Variants in PINX1 observed in about 807,000 individuals in gnomAD.
PINX1 encodes the protein PIN2 (TERF1) interacting telomerase inhibitor 1.
In PINX1, 34 loss-of-function variants were observed where a neutral mutation model predicts 25.4. That is an observed-to-expected ratio of 1.34 (90% confidence interval 1.02 to 1.78). PINX1 has a LOEUF of 1.78. PINX1 is among the 40% of genes most tolerant of loss of function. The pLI is 0.00. For missense variants in PINX1, 592 were observed against 404.9 expected (o/e 1.46, Z -3.97); for synonymous variants, 197 against 147.7 (o/e 1.33, Z -2.42).
At chr8:10,805,657 T>G (rs113970801) in intron 6 of PINX1, among the ~76,000 whole-genome samples, 1,537 of 59,886 alleles carry the variant, frequency 0.026, 99 homozygotes, top group Admixed American at 0.039. Flanking sequence ...TAGCGCTGAG[T>G]GGGTGACGGA....
intron 6 of PINX1, among the ~76,000 whole-genome samples, chr8:10,808,551 A>G (rs1802528242): frequency 1.3e-5 from 2 of 152,228 alleles, no homozygotes; most frequent in African/African-American, 4.8e-5. Flanking sequence ...GTCCTAATAG[A>G]TGATGTTACT....
chr8:10,767,286 C>G (rs561194620), intron 6 of PINX1, among the ~76,000 whole-genome samples: 2 of 152,230 alleles, frequency 1.3e-5, no homozygotes, highest in African/African-American at 4.8e-5. Context: ...CAAAAGCCAC[C>G]TCAGTGGAAT....
rs762944338 is a variant in PINX1, at chr8:10,839,761, G to C, written c.-5C>G. 57 of 1,603,634 alleles carry C rather than the reference G, an allele frequency of 3.6e-5. No homozygotes were observed. The highest frequency in any genetic ancestry group is 4.8e-5 in the Non-Finnish European group (56 of 1,175,168). ...ACGTTCAGCCAGCATAGACATGTCGGAGAGCCTGTGATACCGCCGCCTCTG... is the reference window on the plus strand; with the variant it reads ...ACGTTCAGCCAGCATAGACATGTCGCAGAGCCTGTGATACCGCCGCCTCTG... On this transcript the variant is annotated 5_prime_UTR_variant, in exon 1 of 7. Coordinates refer to ENST00000314787, the MANE Select transcript of PINX1 (RefSeq NM_017884.6).
Position 10,834,738 on chromosome 8 carries a change from G to A in PINX1, c.57C>T (p.Asn19=). 6.2e-7 allele frequency: 1 copy of A among 1,613,782 alleles called. No homozygotes were observed. The highest frequency in any genetic ancestry group is 8.5e-7 in the Non-Finnish European group (1 of 1,179,816). ...RKQKWAVDPQ[N]TAWSNDDSKF... is the part of the protein sequence containing the mutation. ...TGGAATCGTCATTACTCCAGGCAGT[G>A]TTCTGAGGATCCACAGCCCACTTCT... The change falls in exon 2 of 7, where the codon AAC becomes AAT. Residue 19 remains asparagine, a synonymous_variant. Coordinates refer to ENST00000314787, the MANE Select transcript of PINX1 (RefSeq NM_017884.6).
intron 4 of PINX1, among the ~76,000 whole-genome samples, chr8:10,828,836 G>A (rs1304041204): frequency 1.3e-5 from 2 of 152,164 alleles, no homozygotes; most frequent in African/African-American, 2.4e-5. Flanking sequence ...GAGGGACAAG[G>A]GAAAATACTG....
At chr8:10,771,960 C>A (rs1047156137) in intron 6 of PINX1, among the ~76,000 whole-genome samples, 1 of 152,216 alleles carries the variant, frequency 6.6e-6, no homozygotes, top group African/African-American at 2.4e-5. Context: ...GTGATCCATC[C>A]ATTTCTCCTT....
intron 1 of PINX1, among the ~76,000 whole-genome samples, chr8:10,836,309 G>C (rs765905167): frequency 2.6e-5 from 4 of 152,120 alleles, no homozygotes; most frequent in African/African-American, 4.8e-5. Context: ...ACCCAAAAAT[G>C]TTCCATCTAA....
Position 10,831,699 on chromosome 8 carries a change from G to A in PINX1, c.267C>T (p.Ala89=), listed in dbSNP as rs1428330805. 1.4e-5 allele frequency: 22 copies of A among 1,604,370 alleles called. No individual in the cohort carries two copies. The highest frequency in any genetic ancestry group is 2.2e-5 in the South Asian group (2 of 88,936). ...CCTGCCCATGGCAAGTGTTCAGTTC[G>A]GCCAGAAGCTGGTTAAAATCATCCT... ...AHQDDFNQLL[A]ELNTCHGQET... is the part of the protein sequence containing the mutation. The change falls in exon 4 of 7, where the codon GCC becomes GCT. Residue 89 remains alanine, a synonymous_variant. Coordinates refer to ENST00000314787, the MANE Select transcript of PINX1 (RefSeq NM_017884.6).
intron 6 of PINX1, among the ~76,000 whole-genome samples, chr8:10,813,973 G>T (rs575510821): frequency 6.6e-6 from 1 of 152,176 alleles, no homozygotes; most frequent in East Asian, 1.9e-4. Flanking sequence ...TTGTTTTTCA[G>T]TGTCTCCAAC....
chr8:10,822,357 A>T (rs1797904074), intron 5 of PINX1, among the ~76,000 whole-genome samples: 2 of 152,248 alleles, frequency 1.3e-5, no homozygotes, highest in African/African-American at 4.8e-5. Context: ...GTCAAATCAT[A>T]CAAAATACTG....
intron 6 of PINX1, among the ~76,000 whole-genome samples, chr8:10,778,822 C>G (rs1336796987): frequency 6.6e-6 from 1 of 152,174 alleles, no homozygotes; most frequent in Non-Finnish European, 1.5e-5. Flanking sequence ...CTTGTTAAAT[C>G]TCATAGTTAA....
intron 4 of PINX1, among the ~76,000 whole-genome samples, chr8:10,830,812 G>C (rs913592219): frequency 1.3e-5 from 2 of 152,164 alleles, no homozygotes; most frequent in Non-Finnish European, 2.9e-5. Flanking sequence ...AATTATAAAA[G>C]ATAATTACTG....
At chr8:10,766,374 T>C (rs891560) in intron 6 of PINX1, among the ~76,000 whole-genome samples, 29,758 of 152,174 alleles carry the variant, frequency 0.2, 4,180 homozygotes, top group African/African-American at 0.4. Context: ...GGCCCCTGTG[T>C]TGATCTAGAA....
intron 6 of PINX1, among the ~76,000 whole-genome samples, chr8:10,801,583 G>T (rs574063556): frequency 6.6e-6 from 1 of 152,292 alleles, no homozygotes; most frequent in South Asian, 2.1e-4. Context: ...TTTTCTGGAA[G>T]TCCAGGGAAG....
At chr8:10,779,186 G>A (rs1433234288) in intron 6 of PINX1, among the ~76,000 whole-genome samples, 2 of 152,322 alleles carry the variant, frequency 1.3e-5, no homozygotes, top group East Asian at 1.9e-4. Context: ...TGTGTAAGCA[G>A]CAAGCCCTGC....
At position 10,780,557 on chromosome 8, in the gene PINX1, A is replaced by G. The variant is rs182066712; in HGVS notation, c.472-14641T>C. On this transcript the variant is annotated intron_variant, in intron 6 of 6. Transcript: ENST00000314787. ...CCTTGCACGCCAAGGATAAATCCCAAACAAATGAAAACCTAGCTGAAAAAG... is the reference window on the plus strand; with the variant it reads ...CCTTGCACGCCAAGGATAAATCCCAGACAAATGAAAACCTAGCTGAAAAAG... Among the ~76,000 whole-genome samples the G allele has an allele frequency of 1.2e-4, 18 of 152,256 alleles. No homozygotes were observed. In the East Asian group the frequency reaches 3.3e-3, roughly 28 times the overall value.
At chr8:10,816,523 T>C (rs1329167914) in intron 6 of PINX1, among the ~76,000 whole-genome samples, 2 of 152,222 alleles carry the variant, frequency 1.3e-5, no homozygotes, top group Non-Finnish European at 2.9e-5. Flanking sequence ...GTCAAGTCGT[T>C]CTTCAGGCTG....
intron 6 of PINX1, among the ~76,000 whole-genome samples, chr8:10,769,657 C>T (rs1801164518): frequency 6.6e-6 from 1 of 152,206 alleles, no homozygotes; most frequent in Admixed American, 6.5e-5. Flanking sequence ...TTGCTGCAAC[C>T]TGAGGAGAGG....
intron 6 of PINX1, among the ~76,000 whole-genome samples, chr8:10,808,781 A>T (rs1021884053): frequency 1.3e-5 from 2 of 152,228 alleles, no homozygotes; most frequent in Non-Finnish European, 2.9e-5. Context: ...GTCAAAACCA[A>T]TCGGCCTATC....
Sources: allele counts gnomAD v4.1 joint callset (sites outside exome capture counted in the v4.1 genomes callset), GRCh38; gene constraint gnomAD v4.1.1; transcripts MANE v1.5; gene names NCBI Gene and HGNC (gene_info 2026-07-23, HGNC 2026-07-21).